Variants in MAGI2 observed in about 807,000 individuals in gnomAD.
MAGI2 encodes membrane associated guanylate kinase, WW and PDZ domain containing 2.
Under a neutral mutation model 133.3 loss-of-function variants are expected in MAGI2, and 35 were observed. The observed-to-expected ratio is 0.26, with a 90% CI of 0.20 to 0.35. MAGI2 has a LOEUF of 0.35. Ranked by LOEUF, MAGI2 falls within the 10% of genes least tolerant of loss-of-function variation. The pLI is 1.00. For synonymous variants in MAGI2, 729 were observed against 710.6 expected (o/e 1.03, Z -0.41); for missense variants, 1,636 against 1,863.4 (o/e 0.88, Z 2.25).
intron 1 of MAGI2, among the ~76,000 whole-genome samples, chr7:79,379,353 G>C (rs536366814): frequency 1.3e-5 from 2 of 151,968 alleles, no homozygotes; most frequent in East Asian, 3.9e-4. Flanking sequence ...TCTTAATCCA[G>C]TCTATCATTG....
intron 7 of MAGI2, among the ~76,000 whole-genome samples, chr7:78,350,898 C>G (rs1791439769): frequency 1.3e-5 from 2 of 152,188 alleles, no homozygotes. Flanking sequence ...CCTTGCTTCT[C>G]CTGGGGTTTT....
chr7:78,607,454 G>A (rs1466893845), intron 3 of MAGI2, among the ~76,000 whole-genome samples: 1 of 148,868 alleles, frequency 6.7e-6, no homozygotes, highest in African/African-American at 2.5e-5. Context: ...CCCTTGTATG[G>A]AAACAGAACC....
chr7:79,175,053 A>G (rs537445860), intron 1 of MAGI2, among the ~76,000 whole-genome samples: 1 of 151,866 alleles, frequency 6.6e-6, no homozygotes, highest in Admixed American at 6.6e-5. Flanking sequence ...AGCTATTGAT[A>G]CCATTACTTG....
At position 79,215,186 on chromosome 7, in the gene MAGI2, G is replaced by A. The variant is rs191723007; in HGVS notation, c.302-207980C>T. On this transcript the variant is annotated intron_variant, in intron 1 of 21. Coordinates refer to ENST00000354212, the MANE Select transcript of MAGI2 (RefSeq NM_012301.4). Reference sequence around the variant, plus strand: ...AACTGACCAGCGTTAACATTAAAACGAAGTTTAAAGACTGACAAACAGACT... The same window carrying A: ...AACTGACCAGCGTTAACATTAAAACAAAGTTTAAAGACTGACAAACAGACT... Among the ~76,000 whole-genome samples, 12 of 150,068 alleles carry A rather than the reference G, an allele frequency of 8.0e-5. No homozygotes were observed. In the East Asian group the frequency reaches 1.6e-3, roughly 19 times the overall value.
intron 6 of MAGI2, among the ~76,000 whole-genome samples, chr7:78,374,028 T>C (rs573398973): frequency 4.9e-4 from 74 of 152,206 alleles, no homozygotes; most frequent in Non-Finnish European, 8.7e-4. Context: ...ATTCCATGTC[T>C]CTGCTATTGT....
intron 20 of MAGI2, among the ~76,000 whole-genome samples, chr7:78,101,994 T>G (rs1163826501): frequency 2.0e-5 from 3 of 152,182 alleles, no homozygotes; most frequent in South Asian, 2.1e-4. Context: ...TTTAAAAAAA[T>G]GGAATATATA....
At chr7:79,104,859 G>C (rs1214485246) in intron 1 of MAGI2, among the ~76,000 whole-genome samples, 3 of 152,020 alleles carry the variant, frequency 2.0e-5, no homozygotes, top group Non-Finnish European at 2.9e-5. Flanking sequence ...GACACTGCTG[G>C]GTGTCTACCA....
intron 6 of MAGI2, among the ~76,000 whole-genome samples, chr7:78,443,073 T>A (rs917693105): frequency 6.7e-6 from 1 of 148,464 alleles, no homozygotes; most frequent in East Asian, 2.0e-4. Flanking sequence ...ACAGTAAGCA[T>A]GTGGCCCTGT....
chr7:78,239,953 C>T (rs1264297315), intron 10 of MAGI2, among the ~76,000 whole-genome samples: 3 of 151,688 alleles, frequency 2.0e-5, no homozygotes, highest in Non-Finnish European at 2.9e-5. Context: ...GCGTGCACTC[C>T]CATGTTTATT....
At chr7:79,178,043 A>G (rs958274679) in intron 1 of MAGI2, among the ~76,000 whole-genome samples, 1 of 152,026 alleles carries the variant, frequency 6.6e-6, no homozygotes, top group African/African-American at 2.4e-5. Context: ...GCTTCCATCT[A>G]TCATATCTTC....
intron 2 of MAGI2, among the ~76,000 whole-genome samples, chr7:78,736,166 T>C (rs767314476): frequency 6.6e-6 from 1 of 152,206 alleles, no homozygotes; most frequent in African/African-American, 2.4e-5. Context: ...AAGAATCACA[T>C]ATTCAGTTAA....
At chr7:78,844,430 A>G (rs997405151) in intron 2 of MAGI2, among the ~76,000 whole-genome samples, 4 of 151,966 alleles carry the variant, frequency 2.6e-5, no homozygotes, top group African/African-American at 9.7e-5. Flanking sequence ...ATGAATGGAT[A>G]CACAAATGGG....
chr7:79,446,414 A>T (rs563390576), intron 1 of MAGI2, among the ~76,000 whole-genome samples: 4 of 152,338 alleles, frequency 2.6e-5, no homozygotes, highest in Non-Finnish European at 5.9e-5. Context: ...GGTATATCCA[A>T]TGATATATCC....
intron 11 of MAGI2, among the ~76,000 whole-genome samples, chr7:78,196,936 C>G (rs77696409): frequency 6.6e-6 from 1 of 152,332 alleles, no homozygotes; most frequent in African/African-American, 2.4e-5. Context: ...TGAGGTCCAG[C>G]AGTTGCCAGT....
At chr7:78,564,873 A>C (rs1800779996) in intron 3 of MAGI2, among the ~76,000 whole-genome samples, 1 of 130,506 alleles carries the variant, frequency 7.7e-6, no homozygotes, top group Non-Finnish European at 1.5e-5. Context: ...TGCTCACTGC[A>C]AGCTCCGCCT....
intron 7 of MAGI2, among the ~76,000 whole-genome samples, chr7:78,352,190 T>C (rs1791590667): frequency 6.6e-6 from 1 of 152,084 alleles, no homozygotes; most frequent in African/African-American, 2.4e-5. Context: ...CTATGGTTGA[T>C]AGGGGAGGGA....
intron 2 of MAGI2, among the ~76,000 whole-genome samples, chr7:78,932,772 A>C (rs150588449): frequency 2.8e-4 from 42 of 152,258 alleles, no homozygotes; most frequent in African/African-American, 9.6e-4. Flanking sequence ...GTAGTGGAGA[A>C]ATTCATTGAC....
intron 2 of MAGI2, among the ~76,000 whole-genome samples, chr7:78,910,643 G>A (rs1798333801): frequency 6.6e-6 from 1 of 152,112 alleles, no homozygotes; most frequent in Non-Finnish European, 1.5e-5. Flanking sequence ...TACAACACTA[G>A]TCTAATATTC....
intron 1 of MAGI2, among the ~76,000 whole-genome samples, chr7:79,156,772 A>T (rs761329137): frequency 7.9e-5 from 12 of 152,078 alleles, no homozygotes; most frequent in Non-Finnish European, 1.5e-4. Flanking sequence ...ATGGTCACTC[A>T]TATTTGGCTC....
Sources: allele counts gnomAD v4.1 joint callset (sites outside exome capture counted in the v4.1 genomes callset), GRCh38; gene constraint gnomAD v4.1.1; transcripts MANE v1.5; gene names NCBI Gene and HGNC (gene_info 2026-07-23, HGNC 2026-07-21).